Variants in UQCC1 observed in about 807,000 individuals in gnomAD.
The protein encoded by UQCC1 is ubiquinol-cytochrome c reductase complex assembly factor 1.
A neutral mutation model predicts 48.0 loss-of-function variants in UQCC1; 38 were observed. The observed-to-expected ratio is 0.79, with a 90% CI of 0.61 to 1.04. The LOEUF (loss-of-function observed/expected upper bound fraction) is 1.04. Ranked by LOEUF, UQCC1 falls within the 50% of genes least tolerant of loss-of-function variation. UQCC1 has a pLI of 0.00. For missense variants in UQCC1, 368 were observed against 381.8 expected, an observed-to-expected ratio of 0.96 and a Z score of 0.30; for synonymous variants, 111 against 129.2, an observed-to-expected ratio of 0.86 and a Z score of 0.95.
chr20:35,321,575 C>A (rs2061130335), intron 7 of UQCC1, among the ~76,000 whole-genome samples: 1 of 152,114 alleles, frequency 6.6e-6, no homozygotes, highest in Non-Finnish European at 1.5e-5. Context: ...CCCTTATTGG[C>A]TGGGCAAGGT....
rs1438103739 is a variant in UQCC1 at position 35,324,461 on chromosome 20, G to GT, written c.574-9697_574-9696insA. Among the ~76,000 whole-genome samples the GT allele has an allele frequency of 1.1e-3, 166 of 152,228 alleles. 1 individual carries two copies. The highest frequency in any genetic ancestry group is 3.9e-3 in the African/African-American group (162 of 41,536). ...CCTGCCTCAGCCTCCAGAGTAGCTG[G>GT]GACTACAGGTGCCCACCACCACGCC... On this transcript the variant is annotated intron_variant, in intron 7 of 9. Transcript: ENST00000374385.
At chr20:35,317,162 T>C (rs904980250) in intron 7 of UQCC1, among the ~76,000 whole-genome samples, 3 of 151,498 alleles carry the variant, frequency 2.0e-5, no homozygotes, top group Non-Finnish European at 2.9e-5. Flanking sequence ...GGTCTCGAAC[T>C]CCTGACCTCA....
intron 4 of UQCC1, among the ~76,000 whole-genome samples, chr20:35,377,812 C>T (rs1362014684): frequency 1.3e-5 from 2 of 152,204 alleles, no homozygotes; most frequent in South Asian, 2.1e-4. Flanking sequence ...GCTTCCCCAA[C>T]AACACGTTTG....
At chr20:35,314,212 C>T (rs1253226562) in intron 8 of UQCC1, among the ~76,000 whole-genome samples, 1 of 152,004 alleles carries the variant, frequency 6.6e-6, no homozygotes, top group African/African-American at 2.4e-5. Context: ...GATCTGCCCA[C>T]CTCAGCCTCC....
intron 4 of UQCC1, 57 bp downstream of exon 4, chr20:35,381,861 A>G: frequency 1.0e-6 from 1 of 1,001,474 alleles, no homozygotes; most frequent in Middle Eastern, 2.1e-4. Context: ...AAAATCTATT[A>G]GGAGCAGAAA....
chr20:35,353,141 A>C (rs1273719625), intron 6 of UQCC1, among the ~76,000 whole-genome samples: 2 of 152,168 alleles, frequency 1.3e-5, no homozygotes, highest in Non-Finnish European at 2.9e-5. Flanking sequence ...AGTGGCTCAC[A>C]CCTGTAATTC....
intron 7 of UQCC1, among the ~76,000 whole-genome samples, chr20:35,320,779 C>T (rs1331487495): frequency 6.6e-6 from 1 of 152,186 alleles, no homozygotes; most frequent in African/African-American, 2.4e-5. Context: ...TGAGAATAAG[C>T]TTTAAGGTTA....
chr20:35,385,660 C>T (rs1373688785), intron 2 of UQCC1, among the ~76,000 whole-genome samples: 1 of 152,038 alleles, frequency 6.6e-6, no homozygotes, highest in Non-Finnish European at 1.5e-5. Flanking sequence ...TGTCATCACA[C>T]CCTGCTGATT....
intron 7 of UQCC1, among the ~76,000 whole-genome samples, chr20:35,323,832 C>A (rs185791612): frequency 2.3e-3 from 343 of 152,336 alleles, no homozygotes; most frequent in African/African-American, 7.7e-3. Context: ...CCCATTTCCA[C>A]GAGTTGGCAG....
intron 3 of UQCC1, among the ~76,000 whole-genome samples, chr20:35,383,432 G>A (rs1305406700): frequency 6.6e-6 from 1 of 152,160 alleles, no homozygotes; most frequent in Non-Finnish European, 1.5e-5. Flanking sequence ...CTGGCATGGT[G>A]GCTCACACCT....
chr20:35,310,886 G>A (rs1229851420), intron 8 of UQCC1, among the ~76,000 whole-genome samples: 3 of 142,914 alleles, frequency 2.1e-5, no homozygotes, highest in Non-Finnish European at 4.5e-5. Flanking sequence ...TTTCAGTAGA[G>A]ACGGGGTTTC....
intron 5 of UQCC1, 73 bp from the exon 6 acceptor site, chr20:35,366,687 C>T (rs2061670225): frequency 2.3e-6 from 3 of 1,319,414 alleles, no homozygotes; most frequent in Non-Finnish European, 3.3e-6. Context: ...TAAATATTGG[C>T]AGGCACGGCA....
intron 7 of UQCC1, among the ~76,000 whole-genome samples, chr20:35,342,479 C>T (rs1231257699): frequency 6.6e-6 from 1 of 152,200 alleles, no homozygotes; most frequent in Non-Finnish European, 1.5e-5. Flanking sequence ...TGGCTGCAAA[C>T]CCAGCAAAAG....
intron 6 of UQCC1, among the ~76,000 whole-genome samples, chr20:35,356,961 G>A (rs913002711): frequency 5.3e-5 from 8 of 152,102 alleles, no homozygotes; most frequent in African/African-American, 9.7e-5. Context: ...ATAGAGACAC[G>A]AAAAAAATAA....
intron 9 of UQCC1, among the ~76,000 whole-genome samples, chr20:35,305,080 C>T (rs2060914077): frequency 6.6e-6 from 1 of 152,232 alleles, no homozygotes. Context: ...TCTTCCTTTC[C>T]CGGCCTTCAG....
chr20:35,358,711 C>A (rs932365087), intron 6 of UQCC1, among the ~76,000 whole-genome samples: 1 of 152,090 alleles, frequency 6.6e-6, no homozygotes, highest in Admixed American at 6.5e-5. Context: ...AGGCACCCAC[C>A]ACCACACCCA....
chr20:35,319,549 G>A (rs112097049), intron 7 of UQCC1, among the ~76,000 whole-genome samples: 1,857 of 152,270 alleles, frequency 0.012, 26 homozygotes, highest in Middle Eastern at 0.02. Flanking sequence ...TTATAGCAGA[G>A]GCAGGCACAA....
chr20:35,401,746 C>T (rs958354960), intron 1 of UQCC1, among the ~76,000 whole-genome samples: 2 of 148,346 alleles, frequency 1.3e-5, no homozygotes, highest in South Asian at 2.2e-4. Context: ...ACCGCAACCT[C>T]TGCCTCCTGG....
At chr20:35,305,177 G>A (rs1324450715) in intron 9 of UQCC1, among the ~76,000 whole-genome samples, 1 of 152,232 alleles carries the variant, frequency 6.6e-6, no homozygotes, top group East Asian at 1.9e-4. Context: ...CCATGAGCTG[G>A]CTCCTCGAGG....
Sources: allele counts gnomAD v4.1 joint callset (sites outside exome capture counted in the v4.1 genomes callset), GRCh38; gene constraint gnomAD v4.1.1; transcripts MANE v1.5; gene names NCBI Gene and HGNC (gene_info 2026-07-23, HGNC 2026-07-21).